The following SSBP3 variants were observed in gnomAD, a reference collection of about 807,000 sequenced individuals.
SSBP3 encodes the protein single stranded DNA binding protein 3.
Under a neutral mutation model 69.6 loss-of-function variants are expected in SSBP3, and 5 were observed. The ratio of observed to expected loss-of-function variants is 0.07; its 90% CI spans 0.04 to 0.15. SSBP3 has a LOEUF of 0.15. Among genes scored for constraint, SSBP3 ranks in the 10% least tolerant of loss-of-function variants. SSBP3 has a pLI of 1.00. For synonymous variants in SSBP3, 196 were observed against 193.4 expected (o/e 1.01, Z -0.11); for missense variants, 312 against 534.0 (o/e 0.58, Z 4.10).
At chr1:54,316,153 G>A (rs1646093488) in intron 4 of SSBP3, among the ~76,000 whole-genome samples, 1 of 151,236 alleles carries the variant, frequency 6.6e-6, no homozygotes, top group Non-Finnish European at 1.5e-5. Context: ...GACCATCCTG[G>A]CTAGCACACA....
In SSBP3 at chr1:54,240,972, C is replaced by G. The variant is rs773720580; in HGVS notation, c.802-13G>C. 3 of 1,603,788 alleles carry G rather than the reference C, an allele frequency of 1.9e-6. No individual in the cohort carries two copies. The highest frequency in any genetic ancestry group is 2.7e-5 in the African/African-American group (2 of 74,414). ...CACCAGGGGGTCCCTAAAGATGAGA[C>G]AAAACTGACATCAGACACCCACGGT... On this transcript the variant is annotated splice_polypyrimidine_tract_variant and intron_variant, in intron 12 of 17. Coordinates refer to ENST00000610401, the Ensembl canonical transcript of SSBP3.
intron 3 of SSBP3, among the ~76,000 whole-genome samples, chr1:54,402,152 C>T (rs1441029613): frequency 6.6e-6 from 1 of 152,216 alleles, no homozygotes; most frequent in African/African-American, 2.4e-5. Flanking sequence ...AGTAATAGTT[C>T]TTATATATCA....
At chr1:54,270,583 A>T (rs1645175770) in intron 5 of SSBP3, among the ~76,000 whole-genome samples, 1 of 152,208 alleles carries the variant, frequency 6.6e-6, no homozygotes, top group South Asian at 2.1e-4. Flanking sequence ...CATCAATGTC[A>T]CTAAGGCTGT....
intron 4 of SSBP3, among the ~76,000 whole-genome samples, chr1:54,350,736 G>A (rs1646768556): frequency 6.6e-6 from 1 of 152,206 alleles, no homozygotes; most frequent in South Asian, 2.1e-4. Flanking sequence ...CAGCAGCCCA[G>A]GGACAGGCAG....
chr1:54,328,972 G>C (rs138414644), intron 4 of SSBP3, among the ~76,000 whole-genome samples: 21 of 152,338 alleles, frequency 1.4e-4, no homozygotes, highest in South Asian at 1.0e-3. Flanking sequence ...TCTCTGGCTA[G>C]TGGGTTTTTG....
chr1:54,233,837 G>A (rs1012208604), intron 14 of SSBP3, among the ~76,000 whole-genome samples: 20 of 152,218 alleles, frequency 1.3e-4, no homozygotes, highest in Admixed American at 5.2e-4. Flanking sequence ...CCACCACCCC[G>A]TCTGGGAGGT....
chr1:54,248,035 GAC>G (rs1189060183), intron 9 of SSBP3, among the ~76,000 whole-genome samples: 1 of 152,182 alleles, frequency 6.6e-6, no homozygotes, highest in African/African-American at 2.4e-5. Context: ...GCTGACATGT[GAC>G]ACAGACTCAC....
In SSBP3 at chr1:54,258,792, G is replaced by A. The variant is rs960300694; in HGVS notation, c.367-643C>T. On this transcript the variant is annotated intron_variant, in intron 5 of 17. Transcript: ENST00000610401. This position sits in a 1 kb window ranked among gnomAD's most constrained non-coding sequence, Gnocchi z 4.5. ...AGGGAGTGAGGGGACAGTGAGTGAG[G>A]GCCACACGGTGTGGGCAGCACAGAC... Among the ~76,000 whole-genome samples the A allele has an allele frequency of 6.6e-6, 1 of 152,168 alleles. No homozygotes were observed. Among genetic ancestry groups the A allele is most frequent in the African/African-American group, 2.4e-5 (1 of 41,434 alleles).
chr1:54,386,772 C>T (rs957657590), intron 4 of SSBP3, among the ~76,000 whole-genome samples: 4 of 146,072 alleles, frequency 2.7e-5, no homozygotes, highest in African/African-American at 1.0e-4. Flanking sequence ...AACTCCTGGG[C>T]TCAAGCAATC....
intron 4 of SSBP3, among the ~76,000 whole-genome samples, chr1:54,401,622 G>T (rs1011187631): frequency 3.3e-5 from 5 of 150,774 alleles, no homozygotes; most frequent in Non-Finnish European, 7.4e-5. Context: ...TAATTCTCCG[G>T]ATAGATATCT....
chr1:54,333,451 T>G (rs1159385522), intron 4 of SSBP3, among the ~76,000 whole-genome samples: 6 of 152,140 alleles, frequency 3.9e-5, no homozygotes, highest in Non-Finnish European at 8.8e-5. Context: ...CACCTGACTC[T>G]CCGTAAGGCT....
intron 13 of SSBP3, among the ~76,000 whole-genome samples, chr1:54,240,074 GTGTGT>G (rs1644585604): frequency 8.8e-5 from 2 of 22,832 alleles, no homozygotes; most frequent in South Asian, 3.4e-3. Flanking sequence ...GTGTGTGTGT[GTGTGT>G]GTGTGTGTGC....
intron 14 of SSBP3, among the ~76,000 whole-genome samples, chr1:54,235,092 C>G (rs1024564897): frequency 6.6e-6 from 1 of 152,172 alleles, no homozygotes; most frequent in Admixed American, 6.5e-5. Flanking sequence ...CCCTTATACA[C>G]AAAGTACCTC....
intron 1 of SSBP3, 126 bp from the exon 2 acceptor site, chr1:54,405,056 T>A (rs1399432796): frequency 2.4e-6 from 2 of 834,802 alleles, no homozygotes; most frequent in South Asian, 1.5e-5. Context: ...CGACCAGAGG[T>A]AAGCAGCTAG....
chr1:54,282,687 A>G (rs1288672472), intron 4 of SSBP3, among the ~76,000 whole-genome samples: 1 of 152,204 alleles, frequency 6.6e-6, no homozygotes, highest in Non-Finnish European at 1.5e-5. Context: ...AGGAAGCCAC[A>G]GGTCTGACAG....
At chr1:54,387,715 T>C (rs953364819) in intron 4 of SSBP3, among the ~76,000 whole-genome samples, 4 of 152,206 alleles carry the variant, frequency 2.6e-5, no homozygotes, top group African/African-American at 7.2e-5. Context: ...TGTTGACAAT[T>C]TGTTTTCATT....
At chr1:54,266,300 C>G (rs1645103014) in intron 5 of SSBP3, among the ~76,000 whole-genome samples, 1 of 152,240 alleles carries the variant, frequency 6.6e-6, no homozygotes. Flanking sequence ...GCACAGCCAC[C>G]AGGCTGAGCT....
intron 4 of SSBP3, among the ~76,000 whole-genome samples, chr1:54,354,902 T>C (rs1646839378): frequency 6.6e-6 from 1 of 152,126 alleles, no homozygotes; most frequent in Admixed American, 6.5e-5. Context: ...TCCCAGTAAT[T>C]ACAGCCAAGA....
At chr1:54,358,085 A>G (rs1207806219) in intron 4 of SSBP3, among the ~76,000 whole-genome samples, 1 of 152,196 alleles carries the variant, frequency 6.6e-6, no homozygotes, top group East Asian at 1.9e-4. Flanking sequence ...CTCTAAGAAC[A>G]TTTTCGAGCT....
Sources: gnomAD v4.1 joint callset for allele counts (sites outside exome capture counted in the v4.1 genomes callset) on GRCh38, gnomAD v4.1.1 for gene constraint, Gnocchi (gnomAD v3.1) non-coding constraint, MANE v1.5 for transcripts, NCBI Gene and HGNC (gene_info 2026-07-23, HGNC 2026-07-21) for gene names.